FNBP1L: variants seen among roughly 807,000 people sequenced by gnomAD.
FNBP1L encodes the protein formin-binding protein 1-like.
FNBP1L carries 36 observed loss-of-function variants against 91.2 expected under a neutral mutation model. The observed-to-expected ratio is 0.39, with a 90% confidence interval of 0.30 to 0.52. The LOEUF (loss-of-function observed/expected upper bound fraction) is 0.52, where lower values mean the gene tolerates loss of function less well. FNBP1L is among the 20% of genes least tolerant of loss of function. The probability of loss-of-function intolerance (pLI) is 0.66; values close to 1 mark genes in which losing one functional copy is unlikely to be tolerated. For synonymous variants in FNBP1L, 242 were observed against 237.0 expected (o/e 1.02, Z -0.19); for missense variants, 571 against 732.1 (o/e 0.78, Z 2.54).
intron 1 of FNBP1L, among the ~76,000 whole-genome samples, chr1:93,451,734 C>T (rs534508692): frequency 1.3e-5 from 2 of 152,016 alleles, no homozygotes; most frequent in Admixed American, 1.3e-4. Flanking sequence ...TCACTGCAAC[C>T]TCAGCCTCCC....
chr1:93,493,033 G>A (rs1355875185), intron 1 of FNBP1L, among the ~76,000 whole-genome samples: 1 of 152,164 alleles, frequency 6.6e-6, no homozygotes, highest in African/African-American at 2.4e-5. Flanking sequence ...GGAGGCCAAG[G>A]CAGGAGGATC....
At chr1:93,481,574 G>A (rs534650687) in intron 1 of FNBP1L, among the ~76,000 whole-genome samples, 1 of 152,242 alleles carries the variant, frequency 6.6e-6, no homozygotes, top group East Asian at 1.9e-4. Flanking sequence ...ATTTACTCCT[G>A]TACTGAAATG....
chr1:93,488,543 T>G (rs540946774), intron 1 of FNBP1L: 54 of 152,272 alleles, frequency 3.5e-4, no homozygotes, highest in African/African-American at 1.3e-3. Context: ...GGTTATACCC[T>G]CCAATGTATT....
chr1:93,544,179 G>T lies in FNBP1L; in HGVS notation c.1237G>T (p.Glu413Ter), dbSNP rs751946475. ...TAAAAAACTACAGCAGCGCATTGAT[G>T]AACTTAACAGAGAACTACAGAAAGA... ...RRKKLQQRIDELNRELQKESD... is the reference protein window; with the variant it reads ...RRKKLQQRID The change falls in exon 12 of 17, where the codon GAA becomes TAA. Residue 413 changes from glutamate to a stop codon, truncating the protein, a stop_gained. Coordinates refer to ENST00000271234, the MANE Select transcript of FNBP1L (RefSeq NM_001164473.3). LOFTEE classifies it high-confidence loss of function. 6.2e-7 allele frequency: 1 copy of T among 1,611,478 alleles called. No individual in the cohort carries two copies. Among genetic ancestry groups the T allele is most frequent in the South Asian group, 1.1e-5 (1 of 90,768 alleles).
At chr1:93,516,849 A>T (rs947663173) in intron 2 of FNBP1L, among the ~76,000 whole-genome samples, 2 of 152,132 alleles carry the variant, frequency 1.3e-5, no homozygotes, top group African/African-American at 4.8e-5. Context: ...TCTAGAAAAC[A>T]ACCCCATTTG....
chr1:93,456,602 C>CAAAAAAA (rs60167572), intron 1 of FNBP1L, among the ~76,000 whole-genome samples: 3 of 53,370 alleles, frequency 5.6e-5, no homozygotes, highest in Non-Finnish European at 8.6e-5. Flanking sequence ...CCTTCTCTAC[C>CAAAAAAA]AAAAAAAAAA....
At chr1:93,461,227 A>T (rs1394948445) in intron 1 of FNBP1L, among the ~76,000 whole-genome samples, 1 of 152,110 alleles carries the variant, frequency 6.6e-6, no homozygotes, top group Non-Finnish European at 1.5e-5. Flanking sequence ...GAGTGTTCAG[A>T]TCCCTTTTTT....
intron 10 of FNBP1L, among the ~76,000 whole-genome samples, chr1:93,537,065 A>G (rs1436998863): frequency 6.6e-6 from 1 of 152,092 alleles, no homozygotes. Context: ...ACTAGATATC[A>G]CTGAGTAATG....
intron 16 of FNBP1L, chr1:93,551,905 T>C: frequency 1.0e-6 from 1 of 985,610 alleles, no homozygotes; most frequent in South Asian, 4.7e-5. Flanking sequence ...TTAGTGATTA[T>C]TTAGCATTTA....
intron 2 of FNBP1L, among the ~76,000 whole-genome samples, chr1:93,500,217 T>C (rs1401225540): frequency 1.3e-5 from 2 of 152,166 alleles, no homozygotes; most frequent in African/African-American, 4.8e-5. Flanking sequence ...AAAAGTGTCC[T>C]GAAGTGACAA....
At chr1:93,502,570 T>C (rs1670473022) in intron 2 of FNBP1L, among the ~76,000 whole-genome samples, 1 of 152,180 alleles carries the variant, frequency 6.6e-6, no homozygotes, top group Non-Finnish European at 1.5e-5. Flanking sequence ...ACCATTAGAA[T>C]TTTCACTTAC....
intron 9 of FNBP1L, among the ~76,000 whole-genome samples, chr1:93,535,529 C>T (rs946622756): frequency 2.0e-5 from 3 of 152,016 alleles, no homozygotes; most frequent in African/African-American, 4.8e-5. Flanking sequence ...TGGTTGTACT[C>T]GTGTCTTATT....
chr1:93,513,188 C>T (rs530706768), intron 2 of FNBP1L, among the ~76,000 whole-genome samples: 11 of 151,906 alleles, frequency 7.2e-5, no homozygotes, highest in East Asian at 3.9e-4. Flanking sequence ...ATAAATTCCT[C>T]GACACATACA....
chr1:93,459,530 A>G (rs952663551), intron 1 of FNBP1L, among the ~76,000 whole-genome samples: 1 of 152,190 alleles, frequency 6.6e-6, no homozygotes, highest in East Asian at 1.9e-4. Context: ...ATGAGATACC[A>G]CTTTACACCT....
In FNBP1L at chr1:93,554,512, G is replaced by C. The variant is rs1469141927; in HGVS notation, c.*2096G>C. 6.6e-6 allele frequency: 1 copy of C among 152,616 alleles called. No individual in the cohort carries two copies. Among genetic ancestry groups the C allele is most frequent in the Non-Finnish European group, 1.5e-5 (1 of 68,032 alleles). The allele number at this position is 152,616 out of a possible 1,614,324, so 9.5% of individuals were successfully genotyped here. A position where few individuals can be genotyped will look rare whatever the true frequency, so the allele number is the denominator to read the frequency against. On this transcript the variant is annotated 3_prime_UTR_variant, in exon 17 of 17. Coordinates refer to ENST00000271234, the MANE Select transcript of FNBP1L (RefSeq NM_001164473.3). ...AATCATTCTTAAATTTTGAACATGTGAATTGTCCCAAAAAATCTTTAATTT... is the reference window on the plus strand; with the variant it reads ...AATCATTCTTAAATTTTGAACATGTCAATTGTCCCAAAAAATCTTTAATTT...
chr1:93,455,182 C>A (rs1410258082), intron 1 of FNBP1L, among the ~76,000 whole-genome samples: 2 of 152,338 alleles, frequency 1.3e-5, no homozygotes, highest in East Asian at 3.9e-4. Context: ...CCCGCCTCGG[C>A]CTCCCAGAGT....
chr1:93,549,380 T>A lies in FNBP1L; in HGVS notation c.1605T>A (p.Asp535Glu), dbSNP rs568792482. The A allele has an allele frequency of 1.8e-5, 29 of 1,612,518 alleles. 1 individual carries two copies. In the South Asian group the frequency reaches 3.0e-4, roughly 17 times the overall value. ...TTGATGATGAATTTGAGGATGATGA[T>A]CCCTTGCCTGCTATTGGACACTGCA... Reference protein sequence around the residue: ...NEFDDEFEDDDPLPAIGHCKA... With the variant: ...NEFDDEFEDDEPLPAIGHCKA... Residue 535 changes from aspartate (D) to glutamate (E), a missense_variant, in exon 15 of 17, where the codon GAT becomes GAA. Physicochemically the swap from Asp to Glu is conservative, Grantham distance 45. This residue lies in a region of FNBP1L where 189 missense variants were observed against 219.7 expected (regional missense o/e 0.86). Transcript: ENST00000271234.
At chr1:93,511,168 T>A (rs1489628913) in intron 2 of FNBP1L, among the ~76,000 whole-genome samples, 11 of 152,004 alleles carry the variant, frequency 7.2e-5, no homozygotes, top group Admixed American at 5.9e-4. Context: ...TTCACCAAAG[T>A]TGAAATGAAG....
intron 5 of FNBP1L, among the ~76,000 whole-genome samples, chr1:93,527,758 G>A (rs570482947): frequency 6.6e-6 from 1 of 152,038 alleles, no homozygotes; most frequent in African/African-American, 2.4e-5. Flanking sequence ...GATATTTAAA[G>A]AAGACATCTA....
Sources: gnomAD v4.1 joint callset for allele counts (sites outside exome capture counted in the v4.1 genomes callset) on GRCh38, gnomAD v4.1.1 for gene constraint, gnomAD v4.1.1 regional missense constraint, MANE v1.5 for transcripts, NCBI Gene and HGNC (gene_info 2026-07-23, HGNC 2026-07-21) for gene names.